Variants in TRIO observed in about 807,000 individuals in gnomAD.
TRIO encodes triple functional domain protein.
TRIO carries 58 observed loss-of-function variants against 351.9 expected under a neutral mutation model. The ratio of observed to expected loss-of-function variants is 0.16; its 90% CI spans 0.13 to 0.21. The LOEUF (loss-of-function observed/expected upper bound fraction) is 0.21, where lower values mean the gene tolerates loss of function less well. Among genes scored for constraint, TRIO ranks in the 10% least tolerant of loss-of-function variants. The pLI is 1.00. For missense variants in TRIO, 3,201 were observed against 4,027.8 expected (o/e 0.79, Z 5.56); for synonymous variants, 1,758 against 1,595.7 (o/e 1.10, Z -2.42).
intron 34 of TRIO, among the ~76,000 whole-genome samples, chr5:14,431,154 C>G (rs1219695508): frequency 6.6e-6 from 1 of 152,244 alleles, no homozygotes; most frequent in African/African-American, 2.4e-5. Context: ...GTGGCCACCT[C>G]TCCCAGGAGA....
At chr5:14,373,962 C>T (rs111420848) in intron 18 of TRIO, among the ~76,000 whole-genome samples, 13 of 152,276 alleles carry the variant, frequency 8.5e-5, no homozygotes, top group African/African-American at 2.9e-4. Flanking sequence ...CCTCCGTGAC[C>T]GTAAGCCAGG....
intron 1 of TRIO, among the ~76,000 whole-genome samples, chr5:14,225,658 G>A (rs564787057): frequency 6.6e-6 from 1 of 152,242 alleles, no homozygotes; most frequent in South Asian, 2.1e-4. Flanking sequence ...TCATCTCTCT[G>A]ACACTGCACC....
At chr5:14,469,069 C>T (rs970095024) in intron 37 of TRIO, among the ~76,000 whole-genome samples, 5 of 152,038 alleles carry the variant, frequency 3.3e-5, no homozygotes, top group African/African-American at 1.2e-4. Context: ...TTCTTCTCTT[C>T]ACTAATCAAA....
rs1795936903 is a variant in TRIO, at chr5:14,270,847, G to T, written c.180G>T (p.Met60Ile). 6.2e-7 allele frequency: 1 copy of T among 1,613,922 alleles called. No individual in the cohort carries two copies. The highest frequency in any genetic ancestry group is 8.5e-7 in the Non-Finnish European group (1 of 1,179,948). Reference sequence around the variant, plus strand: ...CAGGGTTTCGAAAAAACGATGAAATGAAAGCTATGGATGTTTTACCAATTT... The same window carrying T: ...CAGGGTTTCGAAAAAACGATGAAATTAAAGCTATGGATGTTTTACCAATTT... ...FRSGFRKNDE[M>I]KAMDVLPILK... The change falls in exon 2 of 57, where the codon ATG (methionine) becomes ATT (isoleucine). Residue 60 changes from methionine to isoleucine, a missense_variant. Met to Ile is a conservative substitution (Grantham distance 10). Coordinates refer to ENST00000344204, the MANE Select transcript of TRIO (RefSeq NM_007118.4).
intron 34 of TRIO, among the ~76,000 whole-genome samples, chr5:14,446,281 G>A (rs979833750): frequency 3.9e-5 from 6 of 152,154 alleles, no homozygotes; most frequent in Non-Finnish European, 7.4e-5. Flanking sequence ...CCAGGCACTG[G>A]CAGCACTGGA....
At chr5:14,417,355 A>G (rs529899819) in intron 33 of TRIO, among the ~76,000 whole-genome samples, 4 of 152,354 alleles carry the variant, frequency 2.6e-5, no homozygotes, top group Admixed American at 2.0e-4. Flanking sequence ...TCTAGTGGAC[A>G]TGTGTTTCTT....
chr5:14,276,847 G>A (rs566658321), intron 2 of TRIO, among the ~76,000 whole-genome samples: 13 of 152,324 alleles, frequency 8.5e-5, no homozygotes, highest in African/African-American at 2.6e-4. Context: ...TTGCTCAAGA[G>A]ACCAAGTCTC....
chr5:14,207,947 A>C (rs748646172), intron 1 of TRIO, among the ~76,000 whole-genome samples: 1 of 152,218 alleles, frequency 6.6e-6, no homozygotes, highest in Non-Finnish European at 1.5e-5. Flanking sequence ...GGAAAATACA[A>C]ATTTAAATCA....
intron 55 of TRIO, among the ~76,000 whole-genome samples, chr5:14,505,909 G>A (rs536544127): frequency 1.5e-4 from 23 of 152,358 alleles, no homozygotes; most frequent in Non-Finnish European, 2.9e-4. Flanking sequence ...ATGGAGAGGA[G>A]GTCCACTGGC....
intron 13 of TRIO, among the ~76,000 whole-genome samples, chr5:14,362,501 C>T (rs1271052270): frequency 6.6e-6 from 1 of 152,176 alleles, no homozygotes; most frequent in Non-Finnish European, 1.5e-5. Context: ...TCCTCCTCTT[C>T]TTTTCATGCC....
chr5:14,165,017 C>G (rs1349574667), intron 1 of TRIO, among the ~76,000 whole-genome samples: 1 of 152,194 alleles, frequency 6.6e-6, no homozygotes, highest in African/African-American at 2.4e-5. Context: ...TGCTGTCTCT[C>G]AACAAAGGAA....
chr5:14,318,322 G>A (rs1266578352), intron 9 of TRIO, among the ~76,000 whole-genome samples: 1 of 149,660 alleles, frequency 6.7e-6, no homozygotes, highest in Non-Finnish European at 1.5e-5. Flanking sequence ...TGGCGTGCTG[G>A]CACATGCTTG....
In TRIO at chr5:14,143,462, T is replaced by C. The variant is rs1414056803; in HGVS notation, c.-264T>C. ...GGGAGGCGCGTGCTGCTGCCCGCGC[T>C]CCGGCCGGCGCCCGGGAGGCCGTGG... is the stretch of plus-strand genomic sequence containing the variant. On this transcript the variant is annotated 5_prime_UTR_variant, in exon 1 of 57. Transcript: ENST00000344204. Among the ~76,000 whole-genome samples, 1 of 147,490 alleles carries C rather than the reference T, an allele frequency of 6.8e-6. No individual in the cohort carries two copies. The highest frequency in any genetic ancestry group is 1.5e-5 in the Non-Finnish European group (1 of 66,526).
In TRIO at chr5:14,403,471, T is replaced by TG. The variant is rs1243733420; in HGVS notation, c.4717-2376dup. ...TGTAGGTTGTGGTGAGGGTGCAGGT[T>TG]GTGGTGAGGGTGCAGGTGGTGGTGG... On this transcript the variant is annotated intron_variant, in intron 31 of 56. Coordinates refer to ENST00000344204, the MANE Select transcript of TRIO (RefSeq NM_007118.4). Among the ~76,000 whole-genome samples the TG allele has an allele frequency of 9.3e-3, 278 of 29,784 alleles. 15 individuals are homozygous for TG. The highest frequency in any genetic ancestry group is 0.014 in the Non-Finnish European group (221 of 15,430). The allele number at this position is 29,784 out of a possible 152,430, so 19.5% of individuals were successfully genotyped here.
intron 1 of TRIO, among the ~76,000 whole-genome samples, chr5:14,145,855 T>C (rs1354452451): frequency 6.6e-6 from 1 of 152,228 alleles, no homozygotes; most frequent in Non-Finnish European, 1.5e-5. Context: ...TTGGCTTTGC[T>C]TAGGCCTGTG....
chr5:14,169,351 A>G (rs923455497), intron 1 of TRIO, among the ~76,000 whole-genome samples: 4 of 151,932 alleles, frequency 2.6e-5, no homozygotes, highest in African/African-American at 9.7e-5. Flanking sequence ...TTGTAGGACT[A>G]TGTCATTTCT....
rs1740830931 is a variant in TRIO at position 14,330,707 on chromosome 5, T to C, written c.1732-71T>C. 1.5e-5 allele frequency: 23 copies of C among 1,508,076 alleles called. No homozygotes were observed. The Middle Eastern group carries it at 5.2e-4, about 34-fold the overall frequency. 93.4% of individuals were successfully genotyped at this position (1,508,076 alleles called of 1,614,324 possible). ...GTTTTAACAACAGAAGGGGTCTTCA[T>C]TGGATAACCTTAAACATTGAACATG... On this transcript the variant is annotated intron_variant, in intron 9 of 56. Transcript: ENST00000344204.
chr5:14,432,923 C>T (rs577187755), intron 34 of TRIO, among the ~76,000 whole-genome samples: 7 of 152,292 alleles, frequency 4.6e-5, no homozygotes, highest in African/African-American at 1.7e-4. Context: ...CTATATCTCT[C>T]ATTCTCTGAA....
intron 34 of TRIO, among the ~76,000 whole-genome samples, chr5:14,432,635 T>G (rs1358401537): frequency 6.6e-6 from 1 of 152,196 alleles, no homozygotes; most frequent in African/African-American, 2.4e-5. Context: ...GGGCCAGATT[T>G]CTCCTCTTCC....
Sources: allele counts gnomAD v4.1 joint callset (sites outside exome capture counted in the v4.1 genomes callset), GRCh38; gene constraint gnomAD v4.1.1; transcripts MANE v1.5; gene names NCBI Gene and HGNC (gene_info 2026-07-23, HGNC 2026-07-21).